MICALL2: variants seen among roughly 807,000 people sequenced by gnomAD.
The protein encoded by MICALL2 is MICAL like 2.
A neutral mutation model predicts 91.1 loss-of-function variants in MICALL2; 111 were observed. That is an observed-to-expected ratio of 1.22 (90% CI 1.04 to 1.43). The LOEUF (loss-of-function observed/expected upper bound fraction) is 1.43. Ranked by LOEUF, MICALL2 falls within the 40% of genes most tolerant of loss-of-function variation. The pLI is 0.00. For synonymous variants in MICALL2, 694 were observed against 525.3 expected (o/e 1.32, Z -4.39); for missense variants, 1,556 against 1,236.0 (o/e 1.26, Z -3.88).
rs554245909 is a variant in MICALL2, at chr7:1,440,500, T to A, written c.1805+91A>T. 6.1e-6 allele frequency: 7 copies of A among 1,150,188 alleles called. No individual in the cohort carries two copies. The African/African-American group carries it at 7.6e-5, about 13-fold the overall frequency. 71.2% of individuals were successfully genotyped at this position (1,150,188 alleles called of 1,614,324 possible). A position where few individuals can be genotyped will look rare whatever the true frequency, so the allele number is the denominator to read the frequency against. Reference sequence around the variant, plus strand: ...ACAGGGAGGTGCGTCTATCCCTGGATAGGCGTGTCAATCGGTCGATTACAT... The same window carrying A: ...ACAGGGAGGTGCGTCTATCCCTGGAAAGGCGTGTCAATCGGTCGATTACAT... On this transcript the variant is annotated intron_variant, in intron 8 of 16. Coordinates refer to ENST00000297508, the MANE Select transcript of MICALL2 (RefSeq NM_182924.4).
intron 9 of MICALL2, chr7:1,439,322 A>C: frequency 3.2e-6 from 1 of 316,578 alleles, no homozygotes; most frequent in Non-Finnish European, 5.9e-6. Context: ...TCACACACGA[A>C]CACGGGTGCA....
chr7:1,435,909 G>A (rs999949278), intron 15 of MICALL2, among the ~76,000 whole-genome samples: 56 of 152,030 alleles, frequency 3.7e-4, no homozygotes, highest in Admixed American at 3.9e-4. Flanking sequence ...AAAATTAGCC[G>A]GGTGTGGTGG....
In MICALL2 at chr7:1,436,883, C is replaced by T. The variant is rs116621316; in HGVS notation, c.2477-27G>A. 8.6e-3 allele frequency: 12,712 copies of T among 1,470,090 alleles called. 868 individuals carry two copies. The African/African-American group carries it at 0.15, about 18-fold the overall frequency. The allele number at this position is 1,470,090 out of a possible 1,614,324, so 91.1% of individuals were successfully genotyped here. ...TGTGGGGATGGCTCGTCAGCAGGAG[C>T]CCCCCCCACCACTGCCATGCCCCTC... is the stretch of plus-strand genomic sequence containing the variant. On this transcript the variant is annotated intron_variant, in intron 14 of 16. Coordinates refer to ENST00000297508, the MANE Select transcript of MICALL2 (RefSeq NM_182924.4).
At chr7:1,437,812 C>G (rs1404520953) in intron 13 of MICALL2, 78 bp downstream of exon 13, 4 of 1,379,830 alleles carry the variant, frequency 2.9e-6, no homozygotes, top group Non-Finnish European at 3.0e-6. Context: ...TGACTCTGCG[C>G]TCCTGTCCCC....
rs752665765 is a variant in MICALL2 at position 1,444,887 on chromosome 7, A to C, written c.1183T>G (p.Ser395Ala). 1.0e-5 allele frequency: 16 copies of C among 1,583,720 alleles called. No individual in the cohort carries two copies. In the African/African-American group the frequency reaches 2.1e-4, roughly 21 times the overall value. Residue 395 changes from serine to alanine, a missense_variant, in exon 6 of 17, where the codon TCC becomes GCC. Transcript: ENST00000297508. ...AAPQTTLSSS[S>A]TSAATVDPPA... ...GGGTCCACCGTGGCTGCAGATGTGG[A>C]GCTTGAACTGAGTGTGGTTTGAGGA...
At chr7:1,449,920 C>G (rs2128524338) in intron 2 of MICALL2, among the ~76,000 whole-genome samples, 1 of 148,488 alleles carries the variant, frequency 6.7e-6, no homozygotes, top group Admixed American at 6.7e-5. Context: ...ACCCCCAGAC[C>G]CTTGTTCTGC....
In MICALL2 at chr7:1,435,829, C is replaced by T. The variant is rs527917302; in HGVS notation, c.2592-682G>A. ...CAGCACTTTGGGAGGCTGAGGCGGG[C>T]GGATCACGAGGTCAGATCGAGACCA... On this transcript the variant is annotated intron_variant, in intron 15 of 16. Transcript: ENST00000297508. 2.2e-4 allele frequency among the ~76,000 whole-genome samples: 34 copies of T among 152,074 alleles called. No homozygotes were observed. The East Asian group carries it at 3.9e-3, about 17-fold the overall frequency.
chr7:1,458,293 G>A (rs1781091954), intron 1 of MICALL2, among the ~76,000 whole-genome samples: 1 of 152,184 alleles, frequency 6.6e-6, no homozygotes, highest in African/African-American at 2.4e-5. Flanking sequence ...GAGGCCCCAG[G>A]TGCTGCCTGT....
At position 1,452,254 on chromosome 7, in the gene MICALL2, G is replaced by A. The variant is rs951438225; in HGVS notation, c.144-1966C>T. Among the ~76,000 whole-genome samples the A allele has an allele frequency of 9.2e-5, 14 of 152,292 alleles. No individual in the cohort carries two copies. In the East Asian group the frequency reaches 9.7e-4, roughly 11 times the overall value. ...CCCCCTCCCTGGGCTCAGTGGCAGC[G>A]AAAGCGGTTTCCGTCTGCTCGGGCC... On this transcript the variant is annotated intron_variant, in intron 1 of 16. Coordinates refer to ENST00000297508, the MANE Select transcript of MICALL2 (RefSeq NM_182924.4). This position sits in a 1 kb window ranked among gnomAD's most constrained non-coding sequence, Gnocchi z 6.2.
chr7:1,457,964 G>A (rs1781078059), intron 1 of MICALL2, among the ~76,000 whole-genome samples: 1 of 152,284 alleles, frequency 6.6e-6, no homozygotes, highest in African/African-American at 2.4e-5. Flanking sequence ...CTTTCCATGT[G>A]GAAGCACGCA....
intron 1 of MICALL2, among the ~76,000 whole-genome samples, chr7:1,455,018 C>G (rs1166808805): frequency 6.6e-6 from 1 of 152,182 alleles, no homozygotes; most frequent in Non-Finnish European, 1.5e-5. Flanking sequence ...CCTCCCAAGG[C>G]CTGGCCACAA....
rs1780621651 is a variant in MICALL2, at chr7:1,446,876, C to T, written c.526-48G>A. On this transcript the variant is annotated intron_variant, in intron 4 of 16. Coordinates refer to ENST00000297508, the MANE Select transcript of MICALL2 (RefSeq NM_182924.4). ...TCTGAGCAGCCGTCCACCCAGCCCT[C>T]CCTCCTGGTGGCAGCCCACAGGTGG... 5 of 1,348,728 alleles carry T rather than the reference C, an allele frequency of 3.7e-6. No individual in the cohort carries two copies. The South Asian group carries it at 6.9e-5, about 19-fold the overall frequency. 83.5% of individuals were successfully genotyped at this position (1,348,728 alleles called of 1,614,324 possible). A position where few individuals can be genotyped will look rare whatever the true frequency, so the allele number is the denominator to read the frequency against.
Position 1,447,991 on chromosome 7 carries a change from G to A in MICALL2, c.335-226C>T, listed in dbSNP as rs764819156. 2.6e-5 allele frequency: 9 copies of A among 352,758 alleles called. No individual in the cohort carries two copies. In the South Asian group the frequency reaches 4.0e-4, roughly 16 times the overall value. The allele number at this position is 352,758 out of a possible 1,614,324, so 21.9% of individuals were successfully genotyped here. ...GCCCCAGCTGGAGTCAGGGAAAAGGGACTTTTCTGTTTCTCCAGCAGGCAG... is the reference window on the plus strand; with the variant it reads ...GCCCCAGCTGGAGTCAGGGAAAAGGAACTTTTCTGTTTCTCCAGCAGGCAG... On this transcript the variant is annotated intron_variant, in intron 3 of 16. Coordinates refer to ENST00000297508, the MANE Select transcript of MICALL2 (RefSeq NM_182924.4).
At position 1,447,532 on chromosome 7, in the gene MICALL2, G is replaced by A. The variant is rs1386042505; in HGVS notation, c.525+43C>T. 10 of 1,245,546 alleles carry A rather than the reference G, an allele frequency of 8.0e-6. No individual in the cohort carries two copies. The South Asian group carries it at 9.2e-5, about 11-fold the overall frequency. The allele number at this position is 1,245,546 out of a possible 1,614,324, so 77.2% of individuals were successfully genotyped here. ...ACAAGCCCCTTCTGCACCCCCCGGT[G>A]GAAAACCCAGAGAACCAGGGGGAGG... On this transcript the variant is annotated intron_variant, in intron 4 of 16. Transcript: ENST00000297508.
In MICALL2 at chr7:1,444,846, C is replaced by T. The variant is rs1562458826; in HGVS notation, c.1224G>A (p.Pro408=). Residue 408 remains proline (P), a synonymous_variant, in exon 6 of 17, where the codon CCG becomes CCA. Transcript: ENST00000297508. The part of the protein sequence containing the change: ...AATVDPPAWT[P]SASRTQQARN... ...GGGCCTGCTGGGTCCTGGAGGCGGA[C>T]GGGGTCCAGGCTGGGGGGTCCACCG... The T allele has an allele frequency of 4.4e-6, 7 of 1,606,240 alleles. No homozygotes were observed. Among genetic ancestry groups the T allele is most frequent in the South Asian group, 2.2e-5 (2 of 90,752 alleles).
chr7:1,435,297 G>A (rs1311042331), intron 15 of MICALL2, 150 bp from the exon 16 acceptor site: 14 of 736,520 alleles, frequency 1.9e-5, no homozygotes, highest in Admixed American at 1.3e-4. Context: ...GCCACACCTT[G>A]GAACCCTGCC....
At position 1,437,624 on chromosome 7, in the gene MICALL2, G is replaced by T. The variant is rs977419128; in HGVS notation, c.2403-16C>A. On this transcript the variant is annotated splice_polypyrimidine_tract_variant and intron_variant, in intron 13 of 16. Transcript: ENST00000297508. ...GGCCTTGGACCTGCCGCACAGACAC[G>T]CGTCTGAGGCCTGACTCTGCCGCCC... 1 of 1,538,652 alleles carries T rather than the reference G, an allele frequency of 6.5e-7. No individual in the cohort carries two copies. Among genetic ancestry groups the T allele is most frequent in the South Asian group, 1.2e-5 (1 of 83,948 alleles).
At chr7:1,438,389 G>A in intron 10 of MICALL2, 36 bp from the exon 11 acceptor site, 12 of 1,576,694 alleles carry the variant, frequency 7.6e-6, no homozygotes, top group South Asian at 1.2e-5. Flanking sequence ...TGGGACCTGG[G>A]CCACCAGGCC....
intron 2 of MICALL2, among the ~76,000 whole-genome samples, chr7:1,449,741 G>A (rs566763302): frequency 6.6e-6 from 1 of 152,260 alleles, no homozygotes; most frequent in Non-Finnish European, 1.5e-5. Flanking sequence ...GCCCACGAGG[G>A]AGCGTGGTGC....
Sources: allele counts gnomAD v4.1 joint callset (sites outside exome capture counted in the v4.1 genomes callset), GRCh38; gene constraint gnomAD v4.1.1; non-coding constraint Gnocchi (gnomAD v3.1); transcripts MANE v1.5; gene names NCBI Gene and HGNC (gene_info 2026-07-23, HGNC 2026-07-21).